Variants in SIAH3 observed in about 807,000 individuals in gnomAD.
The protein encoded by SIAH3 is seven in absentia homolog 3.
Under a neutral mutation model 12.6 loss-of-function variants are expected in SIAH3, and 9 were observed. That is an observed-to-expected ratio of 0.72 (90% confidence interval 0.43 to 1.25). The LOEUF (loss-of-function observed/expected upper bound fraction) is 1.25. SIAH3 is among the 50% of genes most tolerant of loss of function. The pLI, the probability that SIAH3 is intolerant of heterozygous loss-of-function variation, is 0.00. For missense variants in SIAH3, 390 were observed against 365.4 expected, an observed-to-expected ratio of 1.07 and a Z score of -0.55; for synonymous variants, 154 against 151.1, an observed-to-expected ratio of 1.02 and a Z score of -0.14.
intron 1 of SIAH3, among the ~76,000 whole-genome samples, chr13:45,797,464 G>A (rs770213586): frequency 3.3e-5 from 5 of 152,144 alleles, no homozygotes; most frequent in Non-Finnish European, 5.9e-5. Context: ...CAGCTTCAAC[G>A]GATCCAAAGC....
chr13:45,824,891 A>AAAAAAAC (rs1950668551), intron 1 of SIAH3, among the ~76,000 whole-genome samples: 2 of 134,538 alleles, frequency 1.5e-5, no homozygotes. Context: ...AAAAAAAACA[A>AAAAAAAC]AAAAAACAAA....
intron 1 of SIAH3, among the ~76,000 whole-genome samples, chr13:45,824,024 C>A (rs1950665091): frequency 6.6e-6 from 1 of 152,188 alleles, no homozygotes; most frequent in Non-Finnish European, 1.5e-5. Context: ...AAACCCATCA[C>A]CCAAACAGTG....
rs373907621 is a variant in SIAH3 at position 45,783,520 on chromosome 13, C to A, written c.673G>T (p.Val225Leu). 3 of 1,614,210 alleles carry A rather than the reference C, an allele frequency of 1.9e-6. No individual in the cohort carries two copies. In the South Asian group the frequency reaches 3.3e-5, roughly 18 times the overall value. ...EATPRSVLEC[V>L]DSVITDGDCL... is the part of the protein sequence containing the mutation. ...TCCCCGTCCGTAATCACCGAGTCCA[C>A]GCACTCAAGAACAGACCGGGGCGTG... The change falls in exon 2 of 2, where the codon GTG becomes TTG. Residue 225 changes from valine to leucine, a missense_variant. Val to Leu is a conservative substitution (Grantham distance 32). Coordinates refer to ENST00000400405, the MANE Select transcript of SIAH3 (RefSeq NM_198849.3).
At chr13:45,801,096 G>GGT (rs369387594) in intron 1 of SIAH3, among the ~76,000 whole-genome samples, 10 of 10,764 alleles carry the variant, frequency 9.3e-4, no homozygotes, top group Non-Finnish European at 2.5e-3. Flanking sequence ...GATGGGTGGC[G>GGT]GGGGGGGGCA....
At chr13:45,793,690 C>T (rs894438360) in intron 1 of SIAH3, among the ~76,000 whole-genome samples, 3 of 152,160 alleles carry the variant, frequency 2.0e-5, no homozygotes, top group Non-Finnish European at 4.4e-5. Context: ...CGCTTCTCTT[C>T]ATCTGACAGC....
chr13:45,833,664 A>G (rs999338950), intron 1 of SIAH3, among the ~76,000 whole-genome samples: 1 of 152,162 alleles, frequency 6.6e-6, no homozygotes, highest in Non-Finnish European at 1.5e-5. Flanking sequence ...ACGATAAACC[A>G]TTGTGGTTGG....
chr13:45,817,908 T>C (rs982524372), intron 1 of SIAH3, among the ~76,000 whole-genome samples: 2 of 152,192 alleles, frequency 1.3e-5, no homozygotes, highest in African/African-American at 4.8e-5. Context: ...TGCTGTCTAT[T>C]GTATGTGTGA....
At chr13:45,807,609 T>C (rs1336825032) in intron 1 of SIAH3, among the ~76,000 whole-genome samples, 6 of 152,190 alleles carry the variant, frequency 3.9e-5, no homozygotes, top group South Asian at 2.1e-4. Flanking sequence ...TAGAGAGGCA[T>C]AGAAGCAAGA....
intron 1 of SIAH3, among the ~76,000 whole-genome samples, chr13:45,807,728 G>A (rs1950602883): frequency 6.6e-6 from 1 of 152,204 alleles, no homozygotes; most frequent in Non-Finnish European, 1.5e-5. Flanking sequence ...TCTCAGTGGT[G>A]TCAATATGGA....
At chr13:45,841,301 G>T (rs1211072102) in intron 1 of SIAH3, among the ~76,000 whole-genome samples, 1 of 152,174 alleles carries the variant, frequency 6.6e-6, no homozygotes, top group Non-Finnish European at 1.5e-5. Context: ...CTGTGTTATT[G>T]ATCTACATTT....
intron 1 of SIAH3, among the ~76,000 whole-genome samples, chr13:45,842,523 T>C (rs1950743722): frequency 6.6e-6 from 1 of 152,064 alleles, no homozygotes; most frequent in Admixed American, 6.6e-5. Context: ...CTAATATTTA[T>C]ATTTTTGGAG....
chr13:45,800,231 G>GT (rs911999258), intron 1 of SIAH3, among the ~76,000 whole-genome samples: 17 of 151,936 alleles, frequency 1.1e-4, no homozygotes, highest in South Asian at 1.0e-3. Flanking sequence ...CTTGTAAACT[G>GT]TTTTTTTTCT....
chr13:45,809,198 G>A (rs1335527116), intron 1 of SIAH3, among the ~76,000 whole-genome samples: 2 of 152,208 alleles, frequency 1.3e-5, no homozygotes, highest in African/African-American at 4.8e-5. Context: ...AGGACTTAAG[G>A]TGGGGAGAAT....
chr13:45,787,769 G>A (rs886763613), intron 1 of SIAH3, among the ~76,000 whole-genome samples: 1 of 152,190 alleles, frequency 6.6e-6, no homozygotes, highest in Non-Finnish European at 1.5e-5. Flanking sequence ...GTGGATATTA[G>A]CAGGAATATC....
In SIAH3 at chr13:45,813,413, C is replaced by G. The variant is rs1593381523; in HGVS notation, c.136-29356G>C. 2.0e-5 allele frequency among the ~76,000 whole-genome samples: 3 copies of G among 152,298 alleles called. No homozygotes were observed. In the Middle Eastern group the frequency reaches 0.01, roughly 518 times the overall value. ...TGTCAGGGAGCCTGGAGAATGTTGT[C>G]CCTAGGGCTCTGCCCCCTTGGCCAG... On this transcript the variant is annotated intron_variant, in intron 1 of 1. Coordinates refer to ENST00000400405, the MANE Select transcript of SIAH3 (RefSeq NM_198849.3).
At chr13:45,797,840 A>C (rs9316161) in intron 1 of SIAH3, among the ~76,000 whole-genome samples, 45,160 of 152,104 alleles carry the variant, frequency 0.3, 7,595 homozygotes, top group Non-Finnish European at 0.39. Context: ...ATCAAATAGC[A>C]TATTCTTAAT....
chr13:45,804,262 T>C (rs939208733), intron 1 of SIAH3, among the ~76,000 whole-genome samples: 1 of 152,152 alleles, frequency 6.6e-6, no homozygotes, highest in Admixed American at 6.6e-5. Flanking sequence ...TTGTTATTAC[T>C]ACATGCTACA....
rs1566084314 is a variant in SIAH3, at chr13:45,779,812, G to A, written c.*3571C>T. 6.6e-6 allele frequency: 1 copy of A among 152,212 alleles called. No individual in the cohort carries two copies. The highest frequency in any genetic ancestry group is 1.5e-5 in the Non-Finnish European group (1 of 68,048). 9.4% of individuals were successfully genotyped at this position (152,212 alleles called of 1,614,324 possible). A position where few individuals can be genotyped will look rare whatever the true frequency, so the allele number is the denominator to read the frequency against. On this transcript the variant is annotated 3_prime_UTR_variant, in exon 2 of 2. Transcript: ENST00000400405. ...CTGATCTATTCCTAAAATGTCCAGA[G>A]TAGCCACAGCTAGTGATGGGGTTTA...
chr13:45,847,587 C>T (rs927446548), intron 1 of SIAH3, among the ~76,000 whole-genome samples: 4 of 151,274 alleles, frequency 2.6e-5, no homozygotes, highest in African/African-American at 9.7e-5. Flanking sequence ...CTTAAAGCCA[C>T]GATTGTCCCA....
Sources: allele counts gnomAD v4.1 joint callset (sites outside exome capture counted in the v4.1 genomes callset), GRCh38; gene constraint gnomAD v4.1.1; transcripts MANE v1.5; gene names NCBI Gene and HGNC (gene_info 2026-07-23, HGNC 2026-07-21).